The following METTL4 variants were observed in gnomAD, a reference collection of about 807,000 sequenced individuals.
The protein encoded by METTL4 is N(6)-adenine-specific methyltransferase METTL4.
METTL4 carries 40 observed loss-of-function variants against 54.0 expected under a neutral mutation model. That is an observed-to-expected ratio of 0.74 (90% CI 0.58 to 0.96). The LOEUF is 0.96. METTL4 is among the 50% of genes least tolerant of loss of function. The pLI is 0.00. For missense variants in METTL4, 525 were observed against 549.0 expected (o/e 0.96, Z 0.44); for synonymous variants, 169 against 183.8 (o/e 0.92, Z 0.65).
Position 2,547,530 on chromosome 18 carries a change from C to A in METTL4, c.900-1G>T. On this transcript the variant is annotated splice_acceptor_variant, in intron 5 of 8. Transcript: ENST00000574538. LOFTEE classifies it high-confidence loss of function. ...TTGCAGGGGTGACAAATAACTGTAC[C>A]TAAAAATAAACGGAAAAAAGGATGA... 1.9e-6 allele frequency: 3 copies of A among 1,555,828 alleles called. No homozygotes were observed. The highest frequency in any genetic ancestry group is 2.6e-6 in the Non-Finnish European group (3 of 1,152,626).
In METTL4 at chr18:2,544,202, C is replaced by A; in HGVS notation, c.1266G>T (p.Pro422=). Residue 422 remains proline (P), a synonymous_variant, in exon 8 of 9, where the codon CCG becomes CCT. Transcript: ENST00000574538. The part of the protein sequence containing the change: ...VPCTLHSHKP[P]LAEVLKDYIK... ...TATTTTATAAAAACATACCAGCAAG[C>A]GGTGGCTTATGTGAGTGAAGAGTAC... is the stretch of plus-strand genomic sequence containing the variant. 1 of 1,599,998 alleles carries A rather than the reference C, an allele frequency of 6.3e-7. No individual in the cohort carries two copies. The highest frequency in any genetic ancestry group is 8.5e-7 in the Non-Finnish European group (1 of 1,174,786).
chr18:2,537,776 C>T lies in METTL4; in HGVS notation c.*1224G>A. The T allele has an allele frequency of 2.5e-6, 1 of 397,832 alleles. No homozygotes were observed. 24.6% of individuals were successfully genotyped at this position (397,832 alleles called of 1,614,324 possible). ...CAACAATCTGTAAATAGTATAAATGCTTTTCTCAAAATGCTACGTGAAAGA... is the reference window on the plus strand; with the variant it reads ...CAACAATCTGTAAATAGTATAAATGTTTTTCTCAAAATGCTACGTGAAAGA... On this transcript the variant is annotated 3_prime_UTR_variant, in exon 9 of 9. Coordinates refer to ENST00000574538, the MANE Select transcript of METTL4 (RefSeq NM_022840.5).
chr18:2,538,745 T>A lies in METTL4; in HGVS notation c.*255A>T. 1 of 409,614 alleles carries A rather than the reference T, an allele frequency of 2.4e-6. No homozygotes were observed. Among genetic ancestry groups the A allele is most frequent in the Non-Finnish European group, 4.4e-6 (1 of 229,300 alleles). 25.4% of individuals were successfully genotyped at this position (409,614 alleles called of 1,614,324 possible). A position where few individuals can be genotyped will look rare whatever the true frequency, so the allele number is the denominator to read the frequency against. ...TGTTTTCTGAACTTTTTCAATAGCATGGTCTTGCCGTCTTTATAACTGCTT... is the reference window on the plus strand; with the variant it reads ...TGTTTTCTGAACTTTTTCAATAGCAAGGTCTTGCCGTCTTTATAACTGCTT... On this transcript the variant is annotated 3_prime_UTR_variant, in exon 9 of 9. Transcript: ENST00000574538.
Position 2,544,360 on chromosome 18 carries a change from A to G in METTL4, c.1182-74T>C, listed in dbSNP as rs1006355250. On this transcript the variant is annotated intron_variant, in intron 7 of 8. Transcript: ENST00000574538. Reference sequence around the variant, plus strand: ...CTATACATAAGCCACAGCTGCATTGATTTTTGTTCTCTTTCTGTATCTGAT... The same window carrying G: ...CTATACATAAGCCACAGCTGCATTGGTTTTTGTTCTCTTTCTGTATCTGAT... 10 of 1,053,796 alleles carry G rather than the reference A, an allele frequency of 9.5e-6. No individual in the cohort carries two copies. The African/African-American group carries it at 1.6e-4, about 17-fold the overall frequency. 65.3% of individuals were successfully genotyped at this position (1,053,796 alleles called of 1,614,324 possible). A position where few individuals can be genotyped will look rare whatever the true frequency, so the allele number is the denominator to read the frequency against.
chr18:2,543,119 A>C, intron 8 of METTL4, among the ~76,000 whole-genome samples: 1 of 151,760 alleles, frequency 6.6e-6, no homozygotes, highest in East Asian at 1.9e-4. Flanking sequence ...ATCTCAAAAA[A>C]AAAAAAAAAA....
intron 3 of METTL4, among the ~76,000 whole-genome samples, chr18:2,562,655 A>T (rs1006556180): frequency 6.6e-5 from 10 of 152,216 alleles, no homozygotes; most frequent in African/African-American, 2.2e-4. Flanking sequence ...ATGCTAAATG[A>T]AATTAGCCAG....
intron 5 of METTL4, among the ~76,000 whole-genome samples, chr18:2,551,585 T>C (rs907641987): frequency 6.6e-6 from 1 of 152,050 alleles, no homozygotes; most frequent in Admixed American, 6.5e-5. Flanking sequence ...TAGTCCCAGC[T>C]ACTCAGGAGG....
intron 8 of METTL4, among the ~76,000 whole-genome samples, chr18:2,543,409 C>T (rs2072023436): frequency 1.3e-5 from 2 of 152,116 alleles, no homozygotes; most frequent in African/African-American, 4.8e-5. Flanking sequence ...CTCTCAAGGA[C>T]TTATATTTCT....
chr18:2,562,623 A>G (rs1234309411), intron 3 of METTL4, among the ~76,000 whole-genome samples: 1 of 152,238 alleles, frequency 6.6e-6, no homozygotes, highest in Non-Finnish European at 1.5e-5. Flanking sequence ...ATGCTACAAC[A>G]TGGATGAACC....
intron 8 of METTL4, chr18:2,540,768 T>C (rs911453309): frequency 3.0e-6 from 3 of 985,346 alleles, no homozygotes; most frequent in African/African-American, 3.5e-5. Context: ...CCAGCCTCAG[T>C]TCACTTTAAT....
Position 2,552,733 on chromosome 18 carries a change from A to C in METTL4, c.861T>G (p.Asp287Glu). 1 of 1,611,332 alleles carries C rather than the reference A, an allele frequency of 6.2e-7. No homozygotes were observed. The highest frequency in any genetic ancestry group is 8.5e-7 in the Non-Finnish European group (1 of 1,178,822). The change falls in exon 5 of 9, where the codon GAT becomes GAG. Residue 287 changes from aspartate to glutamate, a missense_variant. Asp to Glu is a conservative substitution (Grantham distance 45). Coordinates refer to ENST00000574538, the MANE Select transcript of METTL4 (RefSeq NM_022840.5). ...TAACTGATTTGTTCTGCCATGGTGG[A>C]TCTATCACAATTACATCAAATGTTT... ...YRKTFDVIVI[D>E]PPWQNKSVKR...
At chr18:2,544,054 T>C in intron 8 of METTL4, 141 bp downstream of exon 8, 1 of 544,138 alleles carries the variant, frequency 1.8e-6, no homozygotes, top group Non-Finnish European at 3.1e-6. Flanking sequence ...CTGCTATGAA[T>C]TCTGCTATAA....
rs1470337341 is a variant in METTL4 at position 2,554,994 on chromosome 18, T to C, written c.504A>G (p.Glu168=). Residue 168 remains glutamate (E), a synonymous_variant, in exon 4 of 9, where the codon GAA becomes GAG. Transcript: ENST00000574538. ...ILDGSLQLIQ[E]GLKSGFLYPL... is the part of the protein sequence containing the mutation. ...GATAAAGAAAACCACTTTTGAGACC[T>C]TCCTGGATCAACTGTAAAGATCCAT... 1.2e-6 allele frequency: 2 copies of C among 1,614,064 alleles called. No individual in the cohort carries two copies. The highest frequency in any genetic ancestry group is 1.7e-6 in the Non-Finnish European group (2 of 1,179,924).
intron 5 of METTL4, among the ~76,000 whole-genome samples, chr18:2,549,457 G>A (rs2072119497): frequency 6.6e-6 from 1 of 152,170 alleles, no homozygotes. Context: ...GAATACAGAA[G>A]AGAAATTCCC....
chr18:2,554,682 T>A lies in METTL4; in HGVS notation c.816A>T (p.Gln272His), dbSNP rs370801176. The change falls in exon 4 of 9, where the codon CAA (glutamine) becomes CAT (histidine). Residue 272 changes from glutamine (Q) to histidine (H), a missense_variant. Physicochemically the swap from Gln to His is conservative, Grantham distance 24. Coordinates refer to ENST00000574538, the MANE Select transcript of METTL4 (RefSeq NM_022840.5). Reference protein sequence around the residue: ...SFLLSDISCMQPLLNYRKTFD... With the variant: ...SFLLSDISCMHPLLNYRKTFD... ...ATAATTACTTACAGTTTAGAAGTGGTTGCATACAAGAAATGTCAGATAAAA... is the reference window on the plus strand; with the variant it reads ...ATAATTACTTACAGTTTAGAAGTGGATGCATACAAGAAATGTCAGATAAAA... 1 of 1,604,364 alleles carries A rather than the reference T, an allele frequency of 6.2e-7. No individual in the cohort carries two copies. The highest frequency in any genetic ancestry group is 1.8e-5 in the Admixed American group (1 of 56,150).
At chr18:2,570,693 G>A (rs905831189) in intron 1 of METTL4, among the ~76,000 whole-genome samples, 3 of 152,114 alleles carry the variant, frequency 2.0e-5, no homozygotes, top group South Asian at 2.1e-4. Context: ...GGAATGGCTA[G>A]TGAGAGCTAG....
intron 5 of METTL4, among the ~76,000 whole-genome samples, chr18:2,551,591 G>A (rs1270405892): frequency 6.6e-6 from 1 of 152,098 alleles, no homozygotes; most frequent in Admixed American, 6.5e-5. Context: ...CAGCTACTCA[G>A]GAGGCTTAGG....
At chr18:2,549,048 G>C (rs1285740697) in intron 5 of METTL4, among the ~76,000 whole-genome samples, 1 of 152,126 alleles carries the variant, frequency 6.6e-6, no homozygotes, top group Non-Finnish European at 1.5e-5. Flanking sequence ...CAGATCCCTT[G>C]ACCAAACTCT....
Position 2,548,211 on chromosome 18 carries a change from T to C in METTL4, c.900-682A>G, listed in dbSNP as rs547885445. Among the ~76,000 whole-genome samples the C allele has an allele frequency of 5.3e-5, 8 of 152,268 alleles. No homozygotes were observed. In the South Asian group the frequency reaches 1.7e-3, roughly 32 times the overall value. ...TCTATAATCTTGTACCTCCTGGCCATAGAGTATAATGGCTAGTTTGTCCTG... is the reference window on the plus strand; with the variant it reads ...TCTATAATCTTGTACCTCCTGGCCACAGAGTATAATGGCTAGTTTGTCCTG... On this transcript the variant is annotated intron_variant, in intron 5 of 8. Transcript: ENST00000574538.
Sources: allele counts gnomAD v4.1 joint callset (sites outside exome capture counted in the v4.1 genomes callset), GRCh38; gene constraint gnomAD v4.1.1; transcripts MANE v1.5; gene names NCBI Gene and HGNC (gene_info 2026-07-23, HGNC 2026-07-21).